PITPNM3: variants seen among roughly 807,000 people sequenced by gnomAD.
PITPNM3 encodes membrane-associated phosphatidylinositol transfer protein 3.
Under a neutral mutation model 102.0 loss-of-function variants are expected in PITPNM3, and 26 were observed. The ratio of observed to expected loss-of-function variants is 0.25; its 90% CI spans 0.19 to 0.35. The LOEUF is 0.35. Ranked by LOEUF, PITPNM3 falls within the 10% of genes least tolerant of loss-of-function variation. The pLI is 1.00. For synonymous variants in PITPNM3, 578 were observed against 558.6 expected (o/e 1.03, Z -0.49); for missense variants, 1,083 against 1,346.1 (o/e 0.80, Z 3.06).
At chr17:6,532,233 T>C (rs1370521155) in intron 2 of PITPNM3, among the ~76,000 whole-genome samples, 1 of 152,060 alleles carries the variant, frequency 6.6e-6, no homozygotes, top group Admixed American at 6.5e-5. Context: ...AGCTCTCAGC[T>C]CAGGGCCACA....
Position 6,537,340 on chromosome 17 carries a change from C to T in PITPNM3, c.118+647G>A, listed in dbSNP as rs410614. Among the ~76,000 whole-genome samples, 110,664 of 149,908 alleles carry T rather than the reference C, an allele frequency of 0.74. 41,548 individuals are homozygous for T. The highest frequency in any genetic ancestry group is 0.87 in the African/African-American group (35,568 of 40,722). ...TCACTGCAACCTCTGCCTCCCGGGT[C>T]CAAGCGATTCTCCCGCCTCAGCTTC... On this transcript the variant is annotated intron_variant, in intron 2 of 19. Coordinates refer to ENST00000262483, the MANE Select transcript of PITPNM3 (RefSeq NM_031220.4). This position sits in a 1 kb window ranked among gnomAD's most constrained non-coding sequence, Gnocchi z 4.4.
chr17:6,473,163 A>G, intron 10 of PITPNM3: 1 of 381,328 alleles, frequency 2.6e-6, no homozygotes, highest in South Asian at 2.2e-5. Flanking sequence ...AGATTCTTCC[A>G]GTTTTCACTC....
rs9907092 is a variant in PITPNM3, at chr17:6,537,822, C to A, written c.118+165G>T. Among the ~76,000 whole-genome samples, 1 of 152,216 alleles carries A rather than the reference C, an allele frequency of 6.6e-6. No homozygotes were observed. The highest frequency in any genetic ancestry group is 2.4e-5 in the African/African-American group (1 of 41,458). ...ATTTCAAACAGTGAACAGACGAAGG[C>A]TGAGCCCCTGCTCTTGGCACATCCA... On this transcript the variant is annotated intron_variant, in intron 2 of 19. Transcript: ENST00000262483. The surrounding 1 kb of genome is among the most constrained non-coding windows in gnomAD (Gnocchi z 4.4).
Position 6,454,996 on chromosome 17 carries a change from C to G in PITPNM3, c.*342G>C. The G allele has an allele frequency of 3.0e-6, 1 of 333,492 alleles. No individual in the cohort carries two copies. Among genetic ancestry groups the G allele is most frequent in the South Asian group, 5.6e-5 (1 of 17,736 alleles). The allele number at this position is 333,492 out of a possible 1,614,324, so 20.7% of individuals were successfully genotyped here. On this transcript the variant is annotated 3_prime_UTR_variant, in exon 20 of 20. Coordinates refer to ENST00000262483, the MANE Select transcript of PITPNM3 (RefSeq NM_031220.4). The stretch of plus-strand genomic sequence containing the variant: ...AGGGCCTGCCTAGCTCGCTGTGAAG[C>G]CTGGGGACGCAGGAGGGTGGTCGAC...
chr17:6,505,674 G>T (rs1014487449), intron 3 of PITPNM3, among the ~76,000 whole-genome samples: 7 of 152,220 alleles, frequency 4.6e-5, no homozygotes, highest in Admixed American at 6.5e-5. Flanking sequence ...AGTCAACTTT[G>T]ACCACCCAGC....
At position 6,472,642 on chromosome 17, in the gene PITPNM3, C is replaced by T; in HGVS notation, c.1429+15G>A. ...CTCCAGCTCAGCACACTCTCTCCCACCCCCAAGAACCTACCGAGGAGGAGG... is the reference window on the plus strand; with the variant it reads ...CTCCAGCTCAGCACACTCTCTCCCATCCCCAAGAACCTACCGAGGAGGAGG... On this transcript the variant is annotated intron_variant, in intron 11 of 19. Coordinates refer to ENST00000262483, the MANE Select transcript of PITPNM3 (RefSeq NM_031220.4). This position sits in a 1 kb window ranked among gnomAD's most constrained non-coding sequence, Gnocchi z 4.1. The T allele has an allele frequency of 6.2e-7, 1 of 1,609,752 alleles. No individual in the cohort carries two copies. Among genetic ancestry groups the T allele is most frequent in the Non-Finnish European group, 8.5e-7 (1 of 1,178,726 alleles).
chr17:6,455,163 A>G lies in PITPNM3; in HGVS notation c.*175T>C, dbSNP rs1278448156. On this transcript the variant is annotated 3_prime_UTR_variant, in exon 20 of 20. Transcript: ENST00000262483. ...CCCGGACCTCACCCCGTCGCAGCTC[A>G]GGGAGCCCCCCGGGCTCGGGCAGGA... 2.5e-6 allele frequency: 2 copies of G among 816,128 alleles called. No homozygotes were observed. The highest frequency in any genetic ancestry group is 1.8e-6 in the Non-Finnish European group (1 of 556,036). 50.6% of individuals were successfully genotyped at this position (816,128 alleles called of 1,614,324 possible).
intron 4 of PITPNM3, among the ~76,000 whole-genome samples, chr17:6,498,858 T>C (rs1178758949): frequency 2.0e-5 from 3 of 151,952 alleles, no homozygotes; most frequent in African/African-American, 7.3e-5. Context: ...GCCAGCACCA[T>C]GGCAGGTATA....
intron 5 of PITPNM3, 114 bp from the exon 6 acceptor site, chr17:6,483,866 C>T (rs754814691): frequency 1.1e-4 from 104 of 940,672 alleles, no homozygotes; most frequent in Non-Finnish European, 1.4e-4. Flanking sequence ...CACGCACACA[C>T]GGGGAGACTG....
intron 18 of PITPNM3, among the ~76,000 whole-genome samples, chr17:6,461,137 C>T (rs1209868823): frequency 2.0e-5 from 3 of 152,198 alleles, no homozygotes; most frequent in East Asian, 1.9e-4. Context: ...AGATAAAGGA[C>T]GAAAGTCTGA....
In PITPNM3 at chr17:6,552,762, C is replaced by CTTTTTTTTTT. The variant is rs34225911; in HGVS notation, c.22+3613_22+3622dup. The stretch of plus-strand genomic sequence containing the variant: ...CCGGCCCCTGGCCACCTTTCTTTTT[C>CTTTTTTTTTT]TTTTTTTTTTTTTTTTTTTTTTGAG... On this transcript the variant is annotated intron_variant, in intron 1 of 19. Transcript: ENST00000262483. Among the ~76,000 whole-genome samples the CTTTTTTTTTT allele has an allele frequency of 5.7e-4, 51 of 88,998 alleles. 1 individual carries two copies. The highest frequency in any genetic ancestry group is 1.6e-3 in the East Asian group (5 of 3,160). The allele number at this position is 88,998 out of a possible 152,430, so 58.4% of individuals were successfully genotyped here. A position where few individuals can be genotyped will look rare whatever the true frequency, so the allele number is the denominator to read the frequency against.
chr17:6,506,996 GCACT>G (rs1400516987), intron 3 of PITPNM3, among the ~76,000 whole-genome samples: 1 of 152,222 alleles, frequency 6.6e-6, no homozygotes, highest in Non-Finnish European at 1.5e-5. Flanking sequence ...ATGCTCTATG[GCACT>G]GCCAGCCCAG....
At position 6,455,652 on chromosome 17, in the gene PITPNM3, G is replaced by A; in HGVS notation, c.2620-9C>T. 1 of 1,142,810 alleles carries A rather than the reference G, an allele frequency of 8.8e-7. No homozygotes were observed. The highest frequency in any genetic ancestry group is 1.1e-6 in the Non-Finnish European group (1 of 879,934). 70.8% of individuals were successfully genotyped at this position (1,142,810 alleles called of 1,614,324 possible). On this transcript the variant is annotated splice_polypyrimidine_tract_variant and intron_variant, in intron 19 of 19. Coordinates refer to ENST00000262483, the MANE Select transcript of PITPNM3 (RefSeq NM_031220.4). Reference sequence around the variant, plus strand: ...TAGCCCTCGCTCAGGAACTGCGGAGGGCAGGGGAGGGCAGGGGAGGGCAGG... The same window carrying A: ...TAGCCCTCGCTCAGGAACTGCGGAGAGCAGGGGAGGGCAGGGGAGGGCAGG...
chr17:6,508,056 T>TTGCTGGGAATGCTGGGGTTGCTGGGAA (rs1567681075), intron 3 of PITPNM3, among the ~76,000 whole-genome samples: 1 of 146,178 alleles, frequency 6.8e-6, no homozygotes, highest in African/African-American at 2.6e-5. Context: ...GTTGCTGGGG[T>TTGCTGGGAATGCTGGGGTTGCTGGGAA]TGCTGGGGAT....
In PITPNM3 at chr17:6,500,680, C is replaced by CT. The variant is rs35417905; in HGVS notation, c.274+2846dup. 1.6e-3 allele frequency among the ~76,000 whole-genome samples: 228 copies of CT among 146,994 alleles called. 1 individual carries two copies. The highest frequency in any genetic ancestry group is 1.8e-3 in the African/African-American group (71 of 40,260). On this transcript the variant is annotated intron_variant, in intron 4 of 19. Transcript: ENST00000262483. Reference sequence around the variant, plus strand: ...TCATTCTTTGCTAAATAAGAACACTCTTTTTTTTTTTTTGAGATGGAGTCT... The same window carrying CT: ...TCATTCTTTGCTAAATAAGAACACTCTTTTTTTTTTTTTTGAGATGGAGTCT...
chr17:6,474,344 C>G, intron 10 of PITPNM3, 88 bp downstream of exon 10: 1 of 1,513,760 alleles, frequency 6.6e-7, no homozygotes, highest in East Asian at 2.3e-5. Context: ...GCCCCTGTCC[C>G]CGACTTCACT....
chr17:6,451,780 AG>A lies in PITPNM3; in HGVS notation c.*3557del, dbSNP rs201511411. ...TTAACCCTAACTATGATTTTTACGAAGGTTTCCCCCAAGCCCGGAAGGAAAG... is the reference window on the plus strand; with the variant it reads ...TTAACCCTAACTATGATTTTTACGAAGTTTCCCCCAAGCCCGGAAGGAAAG... On this transcript the variant is annotated 3_prime_UTR_variant, in exon 20 of 20. Coordinates refer to ENST00000262483, the MANE Select transcript of PITPNM3 (RefSeq NM_031220.4). 3.4e-5 allele frequency: 1 copy of A among 29,216 alleles called. No individual in the cohort carries two copies. The highest frequency in any genetic ancestry group is 2.5e-4 in the African/African-American group (1 of 4,044). 1.8% of individuals were successfully genotyped at this position (29,216 alleles called of 1,614,324 possible).
chr17:6,472,595 G>T lies in PITPNM3; in HGVS notation c.1429+62C>A. The T allele has an allele frequency of 1.3e-6, 2 of 1,561,080 alleles. No individual in the cohort carries two copies. The highest frequency in any genetic ancestry group is 1.9e-5 in the Admixed American group (1 of 53,550). On this transcript the variant is annotated intron_variant, in intron 11 of 19. Coordinates refer to ENST00000262483, the MANE Select transcript of PITPNM3 (RefSeq NM_031220.4). The surrounding 1 kb of genome is among the most constrained non-coding windows in gnomAD (Gnocchi z 4.1). ...CCCTACTCACTGAGAGCTTGGAGGGGTTGAATGGGCTGGGGCCCCACCTCC... is the reference window on the plus strand; with the variant it reads ...CCCTACTCACTGAGAGCTTGGAGGGTTTGAATGGGCTGGGGCCCCACCTCC...
chr17:6,509,703 G>C (rs895488269), intron 3 of PITPNM3, among the ~76,000 whole-genome samples: 1 of 152,158 alleles, frequency 6.6e-6, no homozygotes, highest in Admixed American at 6.5e-5. Context: ...CCTCCCCTGA[G>C]CTGCAGGTTG....
Sources: gnomAD v4.1 joint callset for allele counts (sites outside exome capture counted in the v4.1 genomes callset) on GRCh38, gnomAD v4.1.1 for gene constraint, Gnocchi (gnomAD v3.1) non-coding constraint, MANE v1.5 for transcripts, NCBI Gene and HGNC (gene_info 2026-07-23, HGNC 2026-07-21) for gene names.